Variants in NLGN4X observed in about 807,000 individuals in gnomAD.
NLGN4X encodes the protein neuroligin-4, X-linked.
A neutral mutation model predicts 40.3 loss-of-function variants in NLGN4X; 3 were observed. That is an observed-to-expected ratio of 0.07 (90% CI 0.03 to 0.19). NLGN4X has a LOEUF of 0.19. NLGN4X is among the 10% of genes least tolerant of loss of function. NLGN4X has a pLI of 1.00. For synonymous variants in NLGN4X, 270 were observed against 306.8 expected (o/e 0.88, Z 1.25); for missense variants, 382 against 708.3 (o/e 0.54, Z 5.23).
chrX:6,156,463 C>T (rs994441381), intron 1 of NLGN4X, among the ~76,000 whole-genome samples: 3 of 111,585 alleles, frequency 2.7e-5, no homozygotes, highest in Non-Finnish European at 5.7e-5. Flanking sequence ...GAGCCAAGAT[C>T]GCGCCACTGC....
intron 4 of NLGN4X, among the ~76,000 whole-genome samples, chrX:5,906,498 G>T (rs999908534): frequency 1.8e-5 from 2 of 111,198 alleles, no homozygotes; most frequent in Non-Finnish European, 3.8e-5. Context: ...TCTAAAGAAA[G>T]ATACTTTTTA....
intron 3 of NLGN4X, among the ~76,000 whole-genome samples, chrX:5,993,179 A>G (rs139684812): frequency 0.016 from 1,753 of 110,658 alleles, 34 homozygotes; most frequent in African/African-American, 0.055. Context: ...ATATTGAGCA[A>G]CATCTTGGAC....
intron 2 of NLGN4X, among the ~76,000 whole-genome samples, chrX:6,129,427 T>A (rs1178979634): frequency 9.0e-6 from 1 of 111,065 alleles, no homozygotes; most frequent in Admixed American, 9.6e-5. Flanking sequence ...ACCCTTGAGG[T>A]GTGAGCTGGC....
intron 1 of NLGN4X, among the ~76,000 whole-genome samples, chrX:6,202,844 T>C (rs1046196042): frequency 8.9e-6 from 1 of 111,756 alleles, no homozygotes; most frequent in African/African-American, 3.3e-5. Context: ...CTCTGAACTC[T>C]CTCCCTTTTC....
intron 1 of NLGN4X, among the ~76,000 whole-genome samples, chrX:6,189,174 G>A (rs1474234012): frequency 8.9e-6 from 1 of 112,174 alleles, no homozygotes; most frequent in African/African-American, 3.2e-5. Context: ...AGGCCTATGT[G>A]TGTCTCCACG....
At chrX:5,924,494 T>C (rs928643449) in intron 3 of NLGN4X, among the ~76,000 whole-genome samples, 28 of 112,057 alleles carry the variant, frequency 2.5e-4, no homozygotes, top group Non-Finnish European at 4.5e-4. Flanking sequence ...TTTGTGTTCC[T>C]GAAACTAAGA....
chrX:6,204,370 T>A (rs1923863848), intron 1 of NLGN4X, among the ~76,000 whole-genome samples: 1 of 112,056 alleles, frequency 8.9e-6, no homozygotes, highest in Non-Finnish European at 1.9e-5. Context: ...TTATGGTTGT[T>A]GTTATTAATC....
At chrX:5,901,078 C>A (rs897833470) in intron 5 of NLGN4X, among the ~76,000 whole-genome samples, 38 of 112,138 alleles carry the variant, frequency 3.4e-4, no homozygotes, top group African/African-American at 1.2e-3. Context: ...ACCAAATCTA[C>A]AAAGTCTGAT....
At chrX:6,144,743 A>G (rs990093583) in intron 2 of NLGN4X, among the ~76,000 whole-genome samples, 3 of 111,458 alleles carry the variant, frequency 2.7e-5, no homozygotes, top group Non-Finnish European at 5.6e-5. Context: ...TATATATGAG[A>G]ATCCAGGATA....
At chrX:6,040,951 T>C (rs894991774) in intron 2 of NLGN4X, among the ~76,000 whole-genome samples, 2 of 111,495 alleles carry the variant, frequency 1.8e-5, no homozygotes, top group African/African-American at 6.5e-5. Context: ...CAAAAAAATA[T>C]GGTACCATTT....
At chrX:6,063,348 T>G (rs1468436387) in intron 2 of NLGN4X, among the ~76,000 whole-genome samples, 1 of 112,012 alleles carries the variant, frequency 8.9e-6, no homozygotes, top group African/African-American at 3.2e-5. Context: ...TAGCTGGGCA[T>G]GGTGGCAACA....
chrX:6,044,568 T>C (rs147345368), intron 2 of NLGN4X, among the ~76,000 whole-genome samples: 1,773 of 111,230 alleles, frequency 0.016, 17 homozygotes, highest in Non-Finnish European at 0.025. Context: ...TACTGTGTGA[T>C]ACTGTAATGG....
chrX:6,074,186 A>G (rs2038136001), intron 2 of NLGN4X, among the ~76,000 whole-genome samples: 1 of 111,467 alleles, frequency 9.0e-6, no homozygotes, highest in African/African-American at 3.3e-5. Context: ...CACAAAGGAC[A>G]GCTGAGATGC....
chrX:5,899,251 G>A (rs1193750081), intron 5 of NLGN4X, among the ~76,000 whole-genome samples: 2 of 112,150 alleles, frequency 1.8e-5, no homozygotes, highest in South Asian at 3.7e-4. Flanking sequence ...ATGGGCGGAA[G>A]AAACAAAAAT....
intron 1 of NLGN4X, among the ~76,000 whole-genome samples, chrX:6,203,259 C>T (rs1226858282): frequency 8.9e-6 from 1 of 112,406 alleles, no homozygotes; most frequent in Admixed American, 9.4e-5. Flanking sequence ...CATTCCTCAA[C>T]ACTTGCTGTA....
At chrX:5,895,605 A>G (rs781263501) in intron 5 of NLGN4X, among the ~76,000 whole-genome samples, 1 of 111,259 alleles carries the variant, frequency 9.0e-6, no homozygotes, top group South Asian at 3.8e-4. Flanking sequence ...TCATGTGTAT[A>G]TATGTGTATG....
intron 2 of NLGN4X, among the ~76,000 whole-genome samples, chrX:6,046,651 G>C (rs1254456691): frequency 9.0e-6 from 1 of 110,813 alleles, no homozygotes; most frequent in Non-Finnish European, 1.9e-5. Flanking sequence ...CATTTTTGCT[G>C]CATATATATA....
intron 2 of NLGN4X, among the ~76,000 whole-genome samples, chrX:6,092,633 A>G (rs1461195888): frequency 8.9e-6 from 1 of 112,506 alleles, no homozygotes; most frequent in Non-Finnish European, 1.9e-5. Flanking sequence ...TGGTATTAAA[A>G]TAGCTATTTA....
rs759346154 is a variant in NLGN4X at position 5,987,199 on chromosome X, T to A, written c.625+42081A>T. The stretch of plus-strand genomic sequence containing the variant: ...CACATATGAAATTTATAAAACAGTA[T>A]TATGCATGAAAAAAACACACCAGAA... On this transcript the variant is annotated intron_variant, in intron 3 of 5. Transcript: ENST00000381095. Among the ~76,000 whole-genome samples, 3 of 111,692 alleles carry A rather than the reference T, an allele frequency of 2.7e-5. No homozygotes were observed. In the South Asian group the frequency reaches 1.1e-3, roughly 42 times the overall value.
Sources: allele counts gnomAD v4.1 joint callset (sites outside exome capture counted in the v4.1 genomes callset), GRCh38; gene constraint gnomAD v4.1.1; transcripts MANE v1.5; gene names NCBI Gene and HGNC (gene_info 2026-07-23, HGNC 2026-07-21).